PGGHG: variants seen among roughly 807,000 people sequenced by gnomAD.
The protein encoded by PGGHG is ATH1, acid trehalase-like 1.
In PGGHG, 67 loss-of-function variants were observed where a neutral mutation model predicts 74.5. The ratio of observed to expected loss-of-function variants is 0.90; its 90% CI spans 0.74 to 1.10. PGGHG has a LOEUF of 1.10. Among genes scored for constraint, PGGHG ranks in the 50% least tolerant of loss-of-function variants. The pLI is 0.00. For missense variants in PGGHG, 1,034 were observed against 981.5 expected (o/e 1.05, Z -0.72); for synonymous variants, 496 against 419.9 (o/e 1.18, Z -2.21).
chr11:292,154 C>G, intron 5 of PGGHG, 59 bp downstream of exon 5: 1 of 1,474,588 alleles, frequency 6.8e-7, no homozygotes, highest in Non-Finnish European at 9.0e-7. Flanking sequence ...CCCCCACACC[C>G]CTCCCAGGCC....
chr11:292,720 C>G lies in PGGHG; in HGVS notation c.1158+43C>G. 3.7e-6 allele frequency: 6 copies of G among 1,612,546 alleles called. No individual in the cohort carries two copies. In the South Asian group the frequency reaches 6.6e-5, roughly 18 times the overall value. ...CACCATTCCTGCAAGTGTGGCCAGGCAGCTGGTGTAGCCCCCACTCCTCGT... is the reference window on the plus strand; with the variant it reads ...CACCATTCCTGCAAGTGTGGCCAGGGAGCTGGTGTAGCCCCCACTCCTCGT... On this transcript the variant is annotated intron_variant, in intron 6 of 13. Coordinates refer to ENST00000409548, the MANE Select transcript of PGGHG (RefSeq NM_025092.5).
rs551800281 is a variant in PGGHG at position 291,449 on chromosome 11, A to T, written c.906+336A>T. ...CCTGAGGGCCAGTGGAGCTCCAGGGACCTATCAGGACGGGGACCTGTGGGG... is the reference window on the plus strand; with the variant it reads ...CCTGAGGGCCAGTGGAGCTCCAGGGTCCTATCAGGACGGGGACCTGTGGGG... On this transcript the variant is annotated intron_variant, in intron 4 of 13. Transcript: ENST00000409548. 1.4e-4 allele frequency: 44 copies of T among 316,026 alleles called. 1 individual carries two copies. The highest frequency in any genetic ancestry group is 7.5e-4 in the African/African-American group (35 of 46,702). The allele number at this position is 316,026 out of a possible 1,614,324, so 19.6% of individuals were successfully genotyped here.
Position 294,149 on chromosome 11 carries a change from C to T in PGGHG, c.1761C>T (p.Gly587=). 1.2e-6 allele frequency: 2 copies of T among 1,612,814 alleles called. No homozygotes were observed. The highest frequency in any genetic ancestry group is 8.5e-7 in the Non-Finnish European group (1 of 1,179,432). ...CAGGCGCTGTGAACTTCCTGACAGG[C>T]ATGGGGGGCTTCCTGCAGGCGGTGG... ...DGSGAVNFLT[G]MGGFLQAVVF... The change falls in exon 12 of 14, where the codon GGC becomes GGT. Residue 587 remains glycine (G), a synonymous_variant. Transcript: ENST00000409548.
In PGGHG at chr11:289,327, C is replaced by G. The variant is rs1845646874; in HGVS notation, c.-14+88C>G. 1 of 143,050 alleles carries G rather than the reference C, an allele frequency of 7.0e-6. No homozygotes were observed. Among genetic ancestry groups the G allele is most frequent in the Non-Finnish European group, 1.5e-5 (1 of 64,566 alleles). 8.9% of individuals were successfully genotyped at this position (143,050 alleles called of 1,614,324 possible). ...GGTCGCCCCATCCTCCCTCCCCCAC[C>G]CGCGCCTGCCCCAGCCGCCTACACC... On this transcript the variant is annotated intron_variant, in intron 1 of 13. Transcript: ENST00000409548. This position sits in a 1 kb window ranked among gnomAD's most constrained non-coding sequence, Gnocchi z 5.6.
At chr11:290,287 G>A (rs1230936590) in intron 2 of PGGHG, 103 bp from the exon 3 acceptor site, 11 of 1,389,972 alleles carry the variant, frequency 7.9e-6, no homozygotes, top group South Asian at 2.7e-5. Flanking sequence ...GGGCCCAGAG[G>A]GATCCGCCTC....
chr11:292,501 G>T lies in PGGHG; in HGVS notation c.1027-45G>T, dbSNP rs759642354. On this transcript the variant is annotated intron_variant, in intron 5 of 13. Coordinates refer to ENST00000409548, the MANE Select transcript of PGGHG (RefSeq NM_025092.5). ...GGCACGGGAAAGTTGGGGGGCCACC[G>T]CTCCCCTCCAACAAGGTCAAGTCTG... The T allele has an allele frequency of 2.5e-6, 4 of 1,599,454 alleles. No individual in the cohort carries two copies. In the Admixed American group the frequency reaches 6.7e-5, roughly 27 times the overall value.
chr11:291,725 T>C (rs1462928799), intron 4 of PGGHG: 3 of 473,774 alleles, frequency 6.3e-6, no homozygotes. Context: ...ATATTCGGGC[T>C]GGAGCCTCTG....
At position 290,683 on chromosome 11, in the gene PGGHG, T is replaced by C. The variant is rs756483084; in HGVS notation, c.476T>C (p.Leu159Pro). 1.9e-6 allele frequency: 3 copies of C among 1,606,772 alleles called. No homozygotes were observed. Among genetic ancestry groups the C allele is most frequent in the East Asian group, 2.2e-5 (1 of 44,718 alleles). The change falls in exon 4 of 14, where the codon CTG becomes CCG. Residue 159 changes from leucine to proline, a missense_variant. By Grantham distance (98) the Leu-to-Pro change is moderately conservative (BLOSUM62 -3). Coordinates refer to ENST00000409548, the MANE Select transcript of PGGHG (RefSeq NM_025092.5). ...GCATGGCCACGCTCTCACAGGTACC[T>C]GTATGGCCACACCCTCACCCCTGAG... ...QGPDFQGARY[L>P]YGHTLTPEQP...
chr11:292,161 G>C (rs1254020501), intron 5 of PGGHG, 66 bp downstream of exon 5: 5 of 1,468,776 alleles, frequency 3.4e-6, no homozygotes, highest in Non-Finnish European at 4.5e-6. Flanking sequence ...ACCCCTCCCA[G>C]GCCTGTATCC....
chr11:294,576 C>T lies in PGGHG; in HGVS notation c.2041C>T (p.Arg681Cys), dbSNP rs148333841. 4.2e-5 allele frequency: 50 copies of T among 1,197,482 alleles called. No homozygotes were observed. Among genetic ancestry groups the T allele is most frequent in the African/African-American group, 2.7e-4 (10 of 36,630 alleles). The allele number at this position is 1,197,482 out of a possible 1,614,324, so 74.2% of individuals were successfully genotyped here. The change falls in exon 14 of 14, where the codon CGC becomes TGC. Residue 681 changes from arginine (R) to cysteine (C), a missense_variant. By Grantham distance (180) the Arg-to-Cys change is radical. Transcript: ENST00000409548. ...LLPGHKVSFP[R>C]SAGRIQMSPP... ...TGCAGGACACAAGGTCTCCTTTCCC[C>T]GCTCGGCTGGCCGGATACAAATGTC...
rs1272168666 is a variant in PGGHG at position 289,469 on chromosome 11, G to A, written c.-14+230G>A. 2 of 216,706 alleles carry A rather than the reference G, an allele frequency of 9.2e-6. No individual in the cohort carries two copies. The highest frequency in any genetic ancestry group is 1.1e-4 in the East Asian group (1 of 9,064). The allele number at this position is 216,706 out of a possible 1,614,324, so 13.4% of individuals were successfully genotyped here. ...CCCCACGTGCCACCAACAGACGCAG[G>A]TCCCGACCACAGAGGGTGGGGGCAA... On this transcript the variant is annotated intron_variant, in intron 1 of 13. Transcript: ENST00000409548. This position sits in a 1 kb window ranked among gnomAD's most constrained non-coding sequence, Gnocchi z 5.6.
rs747913343 is a variant in PGGHG at position 293,462 on chromosome 11, G to A, written c.1440G>A (p.Val480=). The change falls in exon 9 of 14, where the codon GTG becomes GTA. Residue 480 remains valine, a synonymous_variant. Coordinates refer to ENST00000409548, the MANE Select transcript of PGGHG (RefSeq NM_025092.5). Reference sequence around the variant, plus strand: ...ACAAGATCAAGGTACCCTTTGACGTGGAGCAGAACTTCCACCCGGAGTTCG... The same window carrying A: ...ACAAGATCAAGGTACCCTTTGACGTAGAGCAGAACTTCCACCCGGAGTTCG... ...VADKIKVPFD[V]EQNFHPEFDG... 1 of 1,611,940 alleles carries A rather than the reference G, an allele frequency of 6.2e-7. No homozygotes were observed. Among genetic ancestry groups the A allele is most frequent in the Non-Finnish European group, 8.5e-7 (1 of 1,179,998 alleles).
rs779805232 is a variant in PGGHG, at chr11:293,396, C to A, written c.1374C>A (p.Asp458Glu). 3 of 1,612,622 alleles carry A rather than the reference C, an allele frequency of 1.9e-6. No individual in the cohort carries two copies. Among genetic ancestry groups the A allele is most frequent in the Non-Finnish European group, 2.5e-6 (3 of 1,179,976 alleles). Residue 458 changes from aspartate to glutamate, a missense_variant, in exon 9 of 14, where the codon GAC becomes GAA. Transcript: ENST00000409548. Reference protein sequence around the residue: ...SLRFAAALAQDLGLPIPSQWL... With the variant: ...SLRFAAALAQELGLPIPSQWL... ...GCTTTGCTGCTGCCCTGGCCCAGGACCTGGGTCTTCCCATCCCCAGCCAGT... is the reference window on the plus strand; with the variant it reads ...GCTTTGCTGCTGCCCTGGCCCAGGAACTGGGTCTTCCCATCCCCAGCCAGT...
Position 294,106 on chromosome 11 carries a change from C to T in PGGHG, c.1718C>T (p.Thr573Met), listed in dbSNP as rs762196523. Residue 573 changes from threonine to methionine, a missense_variant, in exon 12 of 14, where the codon ACG (threonine) becomes ATG (methionine). By Grantham distance (81) the Thr-to-Met change is moderately conservative (BLOSUM62 -1). Coordinates refer to ENST00000409548, the MANE Select transcript of PGGHG (RefSeq NM_025092.5). The stretch of plus-strand genomic sequence containing the variant: ...CTGCCCTTGCCCCTGCAGGTGTGGA[C>T]GGAGAATGCAGACGGGTCAGGCGCT... Reference protein sequence around the residue: ...ANMAEPFKVWTENADGSGAVN... With the variant: ...ANMAEPFKVWMENADGSGAVN... The T allele has an allele frequency of 2.7e-5, 43 of 1,607,490 alleles. No individual in the cohort carries two copies. Among genetic ancestry groups the T allele is most frequent in the Non-Finnish European group, 3.0e-5 (35 of 1,176,564 alleles).
At position 293,371 on chromosome 11, in the gene PGGHG, G is replaced by T; in HGVS notation, c.1349G>T (p.Arg450Leu). The part of the protein sequence containing the change: ...YTNVLVQNSL[R>L]FAAALAQDLG... ...CCACCTACCTCCACCTCCAGCCTGC[G>T]CTTTGCTGCTGCCCTGGCCCAGGAC... The change falls in exon 9 of 14, where the codon CGC becomes CTC. Residue 450 changes from arginine (R) to leucine (L), a missense_variant. By Grantham distance (102) the Arg-to-Leu change is moderately radical. Transcript: ENST00000409548. The T allele has an allele frequency of 1.2e-6, 2 of 1,611,802 alleles. No homozygotes were observed. Among genetic ancestry groups the T allele is most frequent in the Non-Finnish European group, 1.7e-6 (2 of 1,179,786 alleles).
In PGGHG at chr11:289,743, C is replaced by T. The variant is rs547587830; in HGVS notation, c.-13-61C>T. ...GAGGGAGGCTTCAGGGGATTACAGA[C>T]GGTCTCAAGAGGGAGGCCCAGCCAG... On this transcript the variant is annotated intron_variant, in intron 1 of 13. Transcript: ENST00000409548. The surrounding 1 kb of genome is among the most constrained non-coding windows in gnomAD (Gnocchi z 5.6). The T allele has an allele frequency of 9.5e-6, 14 of 1,479,356 alleles. No homozygotes were observed. Among genetic ancestry groups the T allele is most frequent in the African/African-American group, 5.6e-5 (4 of 71,418 alleles). The allele number at this position is 1,479,356 out of a possible 1,614,324, so 91.6% of individuals were successfully genotyped here. A position where few individuals can be genotyped will look rare whatever the true frequency, so the allele number is the denominator to read the frequency against.
At position 294,333 on chromosome 11, in the gene PGGHG, C is replaced by T. The variant is rs780505316; in HGVS notation, c.1875C>T (p.Ser625=). The part of the protein sequence containing the change: ...CLSGISRVSV[S]GIFYQGNKLN... ...CGGGGATCTCCAGAGTGAGCGTCTCCGGCATCTTCTACCAGGGGAACAAGC... is the reference window on the plus strand; with the variant it reads ...CGGGGATCTCCAGAGTGAGCGTCTCTGGCATCTTCTACCAGGGGAACAAGC... The change falls in exon 13 of 14, where the codon TCC becomes TCT. Residue 625 remains serine, a synonymous_variant. Transcript: ENST00000409548. 2.4e-5 allele frequency: 38 copies of T among 1,612,952 alleles called. No individual in the cohort carries two copies. The highest frequency in any genetic ancestry group is 1.2e-4 in the African/African-American group (9 of 74,906).
Position 291,957 on chromosome 11 carries a change from C to CG in PGGHG, c.907-18dup, listed in dbSNP as rs1845735566. ...AGTGACGGCCTGTCCGGCGCTAGAACGAGGGACCGTGCTCTCAGGACCTCT... is the reference window on the plus strand; with the variant it reads ...AGTGACGGCCTGTCCGGCGCTAGAACGGAGGGACCGTGCTCTCAGGACCTCT... On this transcript the variant is annotated intron_variant, in intron 4 of 13. Coordinates refer to ENST00000409548, the MANE Select transcript of PGGHG (RefSeq NM_025092.5). The CG allele has an allele frequency of 6.3e-7, 1 of 1,595,196 alleles. No individual in the cohort carries two copies. The highest frequency in any genetic ancestry group is 1.8e-5 in the Admixed American group (1 of 56,780).
At position 293,810 on chromosome 11, in the gene PGGHG, C is replaced by T. The variant is rs773788983; in HGVS notation, c.1615-20C>T. On this transcript the variant is annotated intron_variant, in intron 10 of 13. Transcript: ENST00000409548. ...CGCAGTGGGCCTCACCCCTGTGTGT[C>T]CTCTTACCTCTGACCCCAGAGCATG... The T allele has an allele frequency of 6.8e-6, 11 of 1,613,554 alleles. No homozygotes were observed. Among genetic ancestry groups the T allele is most frequent in the Middle Eastern group, 1.6e-4 (1 of 6,062 alleles).
Sources: gnomAD v4.1 joint callset for allele counts on GRCh38, gnomAD v4.1.1 for gene constraint, Gnocchi (gnomAD v3.1) non-coding constraint, MANE v1.5 for transcripts, NCBI Gene and HGNC (gene_info 2026-07-23, HGNC 2026-07-21) for gene names.